The following PDE1C variants were observed in gnomAD, a reference collection of about 807,000 sequenced individuals.
The protein encoded by PDE1C is dual specificity calcium/calmodulin-dependent 3',5'-cyclic nucleotide phosphodiesterase 1C.
PDE1C carries 62 observed loss-of-function variants against 93.1 expected under a neutral mutation model. The ratio of observed to expected loss-of-function variants is 0.67; its 90% CI spans 0.54 to 0.82. The LOEUF is 0.82. Among genes scored for constraint, PDE1C ranks in the 40% least tolerant of loss-of-function variants. The pLI is 0.00. For synonymous variants in PDE1C, 325 were observed against 310.1 expected (o/e 1.05, Z -0.50); for missense variants, 742 against 884.6 (o/e 0.84, Z 2.04).
At chr7:31,730,078 C>T in the PDE1C span, among the ~76,000 whole-genome samples, 5 of 152,248 alleles carry the variant, frequency 3.3e-5, no homozygotes, top group African/African-American at 7.2e-5. Flanking sequence ...GTTGATCTGA[C>T]GAGTAAGTGA....
At chr7:31,792,054 T>C (rs1584103078) in intron 16 of PDE1C, among the ~76,000 whole-genome samples, 1 of 152,220 alleles carries the variant, frequency 6.6e-6, no homozygotes, top group Non-Finnish European at 1.5e-5. Flanking sequence ...TGTCATTAAA[T>C]ACCACCAGCA....
chr7:31,849,035 G>T (rs1469723898), intron 8 of PDE1C, among the ~76,000 whole-genome samples: 1 of 152,218 alleles, frequency 6.6e-6, no homozygotes, highest in Admixed American at 6.5e-5. Flanking sequence ...CAGGGCCAAT[G>T]TTTAAATTTC....
At chr7:32,111,131 C>T (rs1183695539) in intron 3 of PDE1C, among the ~76,000 whole-genome samples, 1 of 152,128 alleles carries the variant, frequency 6.6e-6, no homozygotes, top group African/African-American at 2.4e-5. Flanking sequence ...CAAGAGAAAA[C>T]TCAAGGGCAT....
intron 1 of PDE1C, among the ~76,000 whole-genome samples, chr7:32,350,596 T>A (rs1392206750): frequency 4.0e-5 from 1 of 24,718 alleles, no homozygotes; most frequent in African/African-American, 7.3e-5. Flanking sequence ...ATATATTTTT[T>A]TTTTTTTTTT....
chr7:32,264,854 C>T (rs1407409599), intron 1 of PDE1C, among the ~76,000 whole-genome samples: 3 of 152,214 alleles, frequency 2.0e-5, no homozygotes, highest in African/African-American at 7.2e-5. Context: ...GCCTCTTGCA[C>T]TTCTCCTTTC....
At position 32,051,597 on chromosome 7, in the gene PDE1C, A is replaced by C; in HGVS notation, c.102-17T>G. The C allele has an allele frequency of 6.2e-7, 1 of 1,612,404 alleles. No individual in the cohort carries two copies. Among genetic ancestry groups the C allele is most frequent in the Non-Finnish European group, 8.5e-7 (1 of 1,178,540 alleles). On this transcript the variant is annotated splice_polypyrimidine_tract_variant and intron_variant, in intron 1 of 17. Transcript: ENST00000396191. ...TATTTCCTCCTGTAAGAAAAGGCAT[A>C]AACATATATCAGAAAAGGGTTGTGG... is the stretch of plus-strand genomic sequence containing the variant.
At chr7:32,296,142 T>C (rs1430813216) in intron 1 of PDE1C, among the ~76,000 whole-genome samples, 2 of 152,212 alleles carry the variant, frequency 1.3e-5, no homozygotes, top group South Asian at 2.1e-4. Context: ...AATATTAATA[T>C]TTAGCATTGG....
chr7:31,664,377 C>T, the PDE1C span, among the ~76,000 whole-genome samples: 3 of 150,078 alleles, frequency 2.0e-5, no homozygotes, highest in Non-Finnish European at 4.4e-5. Flanking sequence ...GGTGTGTGGG[C>T]CCTGATTCAA....
In PDE1C at chr7:32,129,194, A is replaced by G. The variant is rs1437855602; in HGVS notation, c.308+40591T>C. 2.6e-5 allele frequency among the ~76,000 whole-genome samples: 4 copies of G among 151,366 alleles called. No individual in the cohort carries two copies. In the East Asian group the frequency reaches 7.8e-4, roughly 29 times the overall value. ...AGACTGTGTTTAATCTGTTGGTTGT[A>G]CTAGAGTAAAAAAAAGAAAAAATGG... On this transcript the variant is annotated intron_variant, in intron 3 of 18. Coordinates refer to the PDE1C transcript ENST00000396193.
At chr7:32,150,717 T>C (rs79838466) in intron 3 of PDE1C, among the ~76,000 whole-genome samples, 12 of 152,330 alleles carry the variant, frequency 7.9e-5, no homozygotes, top group Middle Eastern at 3.4e-3. Context: ...GCACTTCGAA[T>C]AGGACCAGAC....
At chr7:31,975,042 G>C (rs1376122326) in intron 2 of PDE1C, among the ~76,000 whole-genome samples, 1 of 152,050 alleles carries the variant, frequency 6.6e-6, no homozygotes, top group Non-Finnish European at 1.5e-5. Context: ...TGCCACCTGT[G>C]TTCCCCCAGC....
intron 2 of PDE1C, among the ~76,000 whole-genome samples, chr7:31,892,219 G>A (rs1381582570): frequency 6.6e-6 from 1 of 152,134 alleles, no homozygotes; most frequent in Non-Finnish European, 1.5e-5. Context: ...AGGGGTAAAT[G>A]TTCACCAGTG....
chr7:31,867,611 A>G (rs1463736627), intron 6 of PDE1C, among the ~76,000 whole-genome samples: 1 of 152,140 alleles, frequency 6.6e-6, no homozygotes, highest in Non-Finnish European at 1.5e-5. Context: ...GGTTAGTCTC[A>G]CCACTGCTAC....
Position 31,890,692 on chromosome 7 carries a change from C to A in PDE1C, c.129-9832G>T, listed in dbSNP as rs1021736034. Among the ~76,000 whole-genome samples, 4 of 152,220 alleles carry A rather than the reference C, an allele frequency of 2.6e-5. No individual in the cohort carries two copies. In the East Asian group the frequency reaches 7.7e-4, roughly 29 times the overall value. ...GGTTACATTTTTCTCATTTCTACTT[C>A]TTTTTTCTTTTATAATAACAGAAAT... On this transcript the variant is annotated intron_variant, in intron 2 of 17. Transcript: ENST00000396191.
Position 32,203,404 on chromosome 7 carries a change from C to T in PDE1C, c.136+6085G>A, listed in dbSNP as rs76929335. ...TGGCATCACCATGTCATAGGTGCTG[C>T]CTCCCTCTATTTCAACCAACCCCAG... On this transcript the variant is annotated intron_variant, in intron 2 of 18. Coordinates refer to the PDE1C transcript ENST00000396193. 4.4e-3 allele frequency among the ~76,000 whole-genome samples: 664 copies of T among 152,010 alleles called. 6 individuals are homozygous for T. The highest frequency in any genetic ancestry group is 0.015 in the African/African-American group (633 of 41,422).
chr7:32,298,622 G>A, intron 1 of PDE1C: 1 of 1,582,296 alleles, frequency 6.3e-7, no homozygotes, highest in Non-Finnish European at 8.6e-7. Flanking sequence ...GCCCGAGCCA[G>A]GAGTCCGAGA....
intron 11 of PDE1C, among the ~76,000 whole-genome samples, chr7:31,833,168 G>GCTGT (rs961247028): frequency 1.3e-5 from 2 of 152,170 alleles, no homozygotes; most frequent in African/African-American, 4.8e-5. Flanking sequence ...TGGTTCTCAT[G>GCTGT]CTGTCTCTTT....
chr7:31,852,523 G>A (rs543815714), intron 7 of PDE1C, among the ~76,000 whole-genome samples: 127 of 152,184 alleles, frequency 8.3e-4, no homozygotes, highest in African/African-American at 2.7e-3. Context: ...TCATTGTCTC[G>A]GGGGGCCCCC....
chr7:31,845,748 T>A (rs1792492497), intron 9 of PDE1C, among the ~76,000 whole-genome samples: 1 of 152,120 alleles, frequency 6.6e-6, no homozygotes, highest in Admixed American at 6.6e-5. Context: ...CCCAGCACTT[T>A]GGGAGGCCAA....
Sources: allele counts gnomAD v4.1 joint callset (sites outside exome capture counted in the v4.1 genomes callset), GRCh38; gene constraint gnomAD v4.1.1; transcripts MANE v1.5; gene names NCBI Gene and HGNC (gene_info 2026-07-23, HGNC 2026-07-21).